Variants in OR4F16 observed in about 807,000 individuals in gnomAD.
OR4F16 encodes the protein olfactory receptor 4F3/4F16/4F29.
the OR4F16 span, among the ~76,000 whole-genome samples, chr1:676,856 C>T: frequency 4.2e-5 from 5 of 118,142 alleles, 2 homozygotes; most frequent in African/African-American, 1.1e-4. Context: ...GCACAGTATT[C>T]GAGCTCTGAT....
chr1:696,872 AAT>A, the OR4F16 span, among the ~76,000 whole-genome samples: 1 of 95,356 alleles, frequency 1.0e-5, no homozygotes, highest in Non-Finnish European at 1.8e-5. Flanking sequence ...ATAACACAAA[AAT>A]TAAAGAACTA....
At chr1:697,001 G>C in the OR4F16 span, among the ~76,000 whole-genome samples, 1 of 112,016 alleles carries the variant, frequency 8.9e-6, no homozygotes, top group Non-Finnish European at 1.6e-5. Flanking sequence ...TAAAATAAAA[G>C]CATAAAATTA....
chr1:710,269 CAAT>C, the OR4F16 span, among the ~76,000 whole-genome samples: 9 of 122,454 alleles, frequency 7.3e-5, no homozygotes, highest in African/African-American at 2.5e-4. Context: ...AAATATTATG[CAAT>C]AAAAATGAGA....
chr1:693,424 A>G, the OR4F16 span, among the ~76,000 whole-genome samples: 1 of 96,204 alleles, frequency 1.0e-5, no homozygotes, highest in Middle Eastern at 4.2e-3. Context: ...TGAATGAATG[A>G]ATGGATAATA....
At chr1:691,056 CA>C (rs1322028964), upstream of OR4F16, among the ~76,000 whole-genome samples, 15 of 148,998 alleles carry the variant, frequency 1.0e-4, no homozygotes, top group South Asian at 8.4e-4. Context: ...TAAAAAACAA[CA>C]AAAAAACCAA....
At chr1:712,048 A>ATATATAT in the OR4F16 span, 3 of 2,106 alleles carry the variant, frequency 1.4e-3, no homozygotes, top group Admixed American at 0.015. Context: ...TATATGTATT[A>ATATATAT]TATATATTAT....
the OR4F16 span, among the ~76,000 whole-genome samples, chr1:718,919 G>C: frequency 3.3e-5 from 4 of 121,110 alleles, no homozygotes; most frequent in Admixed American, 2.6e-4. Flanking sequence ...AGTACAGACG[G>C]AGTTTCACCA....
the OR4F16 span, among the ~76,000 whole-genome samples, chr1:713,354 C>G: frequency 1.7e-5 from 1 of 60,440 alleles, no homozygotes. Context: ...TTTAAAGGGA[C>G]AGCAATAAGC....
chr1:701,641 C>T, the OR4F16 span, among the ~76,000 whole-genome samples: 1 of 150,024 alleles, frequency 6.7e-6, no homozygotes, highest in Non-Finnish European at 1.5e-5. Context: ...ATGGATGGAC[C>T]TTCTATTATC....
chr1:702,274 G>A, the OR4F16 span: 2 of 136,024 alleles, frequency 1.5e-5, no homozygotes, highest in Non-Finnish European at 3.1e-5. Context: ...TTGAACCCAG[G>A]AGGTGGAGTT....
chr1:711,151 CTAT>C, the OR4F16 span, among the ~76,000 whole-genome samples: 24 of 132,878 alleles, frequency 1.8e-4, 1 homozygote, highest in East Asian at 4.5e-3. Context: ...TTAAACAGAG[CTAT>C]TATTACAACT....
the OR4F16 span, among the ~76,000 whole-genome samples, chr1:702,667 T>C: frequency 3.5e-5 from 1 of 28,934 alleles, no homozygotes; most frequent in Non-Finnish European, 7.2e-5. Context: ...ATCTGTGGAT[T>C]AAGTAATGTC....
the OR4F16 span, among the ~76,000 whole-genome samples, chr1:701,239 T>C: frequency 6.8e-6 from 1 of 146,570 alleles, no homozygotes; most frequent in East Asian, 2.1e-4. Flanking sequence ...AGAAGTCTAC[T>C]GGAAAGGGCT....
At chr1:710,420 GTTC>G in the OR4F16 span, among the ~76,000 whole-genome samples, 1 of 8,252 alleles carries the variant, frequency 1.2e-4, no homozygotes, top group Non-Finnish European at 3.6e-4. Context: ...GTACATACAT[GTTC>G]TTAATTATAT....
chr1:690,290 AGT>A (rs1643041151), upstream of OR4F16, among the ~76,000 whole-genome samples: 1 of 124,348 alleles, frequency 8.0e-6, no homozygotes, highest in Non-Finnish European at 1.6e-5. Context: ...AATTTTTACT[AGT>A]GTGTGTTTTC....
chr1:690,093 G>A (rs1346871171), upstream of OR4F16, among the ~76,000 whole-genome samples: 10 of 117,372 alleles, frequency 8.5e-5, no homozygotes, highest in Non-Finnish European at 1.2e-4. Context: ...TTCTATTATC[G>A]CCCTGTTGGA....
At chr1:682,598 GA>G (rs1357441093), downstream of OR4F16, among the ~76,000 whole-genome samples, 3 of 99,056 alleles carry the variant, frequency 3.0e-5, no homozygotes, top group East Asian at 6.0e-4. Context: ...CCCTCCTCAG[GA>G]AGAGATAGAA....
downstream of OR4F16, among the ~76,000 whole-genome samples, chr1:682,696 AG>A (rs1381136756): frequency 3.1e-5 from 2 of 64,846 alleles, no homozygotes; most frequent in African/African-American, 1.0e-4. Context: ...GGTGTCATCC[AG>A]GGTTTGTTAC....
At chr1:702,262 G>A in the OR4F16 span, 1 of 129,964 alleles carries the variant, frequency 7.7e-6, no homozygotes, top group Admixed American at 8.1e-5. Context: ...CAGGAGAATC[G>A]CTTGAACCCA....
Sources: allele counts gnomAD v4.1 joint callset (sites outside exome capture counted in the v4.1 genomes callset), GRCh38; gene constraint gnomAD v4.1.1; transcripts MANE v1.5; gene names NCBI Gene and HGNC (gene_info 2026-07-23, HGNC 2026-07-21).